COL21A1: variants seen among roughly 807,000 people sequenced by gnomAD.
COL21A1 encodes collagen type XXI alpha 1 chain.
Under a neutral mutation model 137.9 loss-of-function variants are expected in COL21A1, and 149 were observed. That is an observed-to-expected ratio of 1.08 (90% confidence interval 0.95 to 1.24). The LOEUF is 1.24. Ranked by LOEUF, COL21A1 falls within the 50% of genes most tolerant of loss-of-function variation. The pLI, the probability that COL21A1 is intolerant of heterozygous loss-of-function variation, is 0.00. For missense variants in COL21A1, 1,167 were observed against 1,158.4 expected, an observed-to-expected ratio of 1.01 and a Z score of -0.11; for synonymous variants, 456 against 391.5, an observed-to-expected ratio of 1.16 and a Z score of -1.95.
In COL21A1 at chr6:56,068,351, A is replaced by C. The variant is rs531091115; in HGVS notation, c.2091+695T>G. On this transcript the variant is annotated intron_variant, in intron 22 of 29. Transcript: ENST00000244728. The stretch of plus-strand genomic sequence containing the variant: ...ACCGATAGATTTACTTTTAACCTGA[A>C]ACATTTGTATTTGCAGTAGCATGGA... 5.3e-5 allele frequency among the ~76,000 whole-genome samples: 8 copies of C among 151,720 alleles called. No individual in the cohort carries two copies. In the South Asian group the frequency reaches 1.7e-3, roughly 31 times the overall value.
At chr6:56,312,195 G>T (rs1198475430) in intron 1 of COL21A1, among the ~76,000 whole-genome samples, 1 of 152,166 alleles carries the variant, frequency 6.6e-6, no homozygotes, top group East Asian at 1.9e-4. Flanking sequence ...AAGATTGTTT[G>T]ATCTAGCTGT....
chr6:56,295,205 G>A (rs553825886), intron 1 of COL21A1, among the ~76,000 whole-genome samples: 1 of 151,758 alleles, frequency 6.6e-6, no homozygotes, highest in East Asian at 1.9e-4. Context: ...GAAAAGATTG[G>A]GTTTTTTTCT....
chr6:56,097,893 A>G (rs1582329001), intron 17 of COL21A1, among the ~76,000 whole-genome samples: 1 of 98,248 alleles, frequency 1.0e-5, no homozygotes, highest in Non-Finnish European at 1.9e-5. Context: ...AAATATATAT[A>G]AATATATAAA....
intron 1 of COL21A1, among the ~76,000 whole-genome samples, chr6:56,389,420 C>G (rs1390553450): frequency 6.7e-6 from 1 of 149,024 alleles, no homozygotes; most frequent in African/African-American, 2.5e-5. Flanking sequence ...AAAAAAAAAG[C>G]ATGCCTACAA....
Position 56,124,272 on chromosome 6 carries a change from C to A in COL21A1, c.1671G>T (p.Gly557=). The change falls in exon 15 of 30, where the codon GGG becomes GGT. Residue 557 remains glycine (G), a synonymous_variant. Coordinates refer to ENST00000244728, the MANE Select transcript of COL21A1 (RefSeq NM_030820.4). ...YGKKGAKGEK[G]NAGFPGLPGP... ...CAGGGAGGCCAGGGAAGCCAGCATT[C>A]CCCTTTTCACCTTTTGCACCCTGTA... The A allele has an allele frequency of 1.9e-6, 3 of 1,604,114 alleles. No homozygotes were observed. The highest frequency in any genetic ancestry group is 1.7e-6 in the Non-Finnish European group (2 of 1,174,944).
intron 1 of COL21A1, among the ~76,000 whole-genome samples, chr6:56,262,753 G>A (rs1051083390): frequency 6.6e-6 from 1 of 152,044 alleles, no homozygotes; most frequent in Non-Finnish European, 1.5e-5. Context: ...ACTACTATTA[G>A]TCTAAAAATC....
Position 56,342,034 on chromosome 6 carries a change from C to T in COL21A1, c.-39+51937G>A, listed in dbSNP as rs577244534. Among the ~76,000 whole-genome samples the T allele has an allele frequency of 3.3e-5, 5 of 152,140 alleles. No individual in the cohort carries two copies. The East Asian group carries it at 7.7e-4, about 23-fold the overall frequency. On this transcript the variant is annotated intron_variant, in intron 1 of 28. Transcript: ENST00000370819. ...GATTTAAAAATGATCATTTTCCCTC[C>T]CCTGTTCCAAATAGCATGTGACTGG...
At position 56,057,863 on chromosome 6, in the gene COL21A1, A is replaced by G; in HGVS notation, c.2687-19T>C. On this transcript the variant is annotated intron_variant, in intron 29 of 29. Transcript: ENST00000244728. ...TCTGGACCTAAGATGGGACATTGGC[A>G]AGACGTAAACAGAGGACTTTAGTTT... 1 of 1,507,424 alleles carries G rather than the reference A, an allele frequency of 6.6e-7. No individual in the cohort carries two copies. The highest frequency in any genetic ancestry group is 8.8e-7 in the Non-Finnish European group (1 of 1,133,982). The allele number at this position is 1,507,424 out of a possible 1,614,324, so 93.4% of individuals were successfully genotyped here.
At chr6:56,270,051 A>G (rs1763486660) in intron 1 of COL21A1, among the ~76,000 whole-genome samples, 1 of 152,228 alleles carries the variant, frequency 6.6e-6, no homozygotes, top group Non-Finnish European at 1.5e-5. Flanking sequence ...AGCTAGCAAT[A>G]CAATGACAAA....
intron 17 of COL21A1, among the ~76,000 whole-genome samples, chr6:56,099,799 C>T (rs1770285520): frequency 6.6e-6 from 1 of 152,080 alleles, no homozygotes; most frequent in Admixed American, 6.6e-5. Flanking sequence ...GCAATTATGG[C>T]TCACATATGT....
chr6:56,178,260 T>C (rs980268851), intron 3 of COL21A1, among the ~76,000 whole-genome samples: 2 of 152,120 alleles, frequency 1.3e-5, no homozygotes, highest in East Asian at 1.9e-4. Flanking sequence ...TGACCACATA[T>C]TAAAAATTTA....
At chr6:56,326,394 G>A (rs1765090890) in intron 1 of COL21A1, among the ~76,000 whole-genome samples, 2 of 151,726 alleles carry the variant, frequency 1.3e-5, no homozygotes, top group African/African-American at 4.8e-5. Flanking sequence ...AATGTATTGA[G>A]TTAGAAGCAA....
intron 1 of COL21A1, among the ~76,000 whole-genome samples, chr6:56,371,284 A>G (rs533545692): frequency 1.3e-4 from 20 of 152,232 alleles, no homozygotes; most frequent in Non-Finnish European, 2.8e-4. Context: ...AAGAGGATTT[A>G]GGGACTACAT....
intron 1 of COL21A1, among the ~76,000 whole-genome samples, chr6:56,245,891 T>C (rs966515527): frequency 3.3e-5 from 5 of 152,236 alleles, no homozygotes; most frequent in African/African-American, 1.2e-4. Flanking sequence ...ATAAATGTTC[T>C]CTGTACAGGA....
At chr6:56,359,405 G>T (rs574109833) in intron 1 of COL21A1, among the ~76,000 whole-genome samples, 2 of 152,232 alleles carry the variant, frequency 1.3e-5, no homozygotes, top group East Asian at 3.9e-4. Context: ...TTGTTCAGAT[G>T]ATTACCCACC....
In COL21A1 at chr6:56,105,509, C is replaced by T. The variant is rs1453059755; in HGVS notation, c.1759-3984G>A. Among the ~76,000 whole-genome samples, 4 of 152,004 alleles carry T rather than the reference C, an allele frequency of 2.6e-5. No homozygotes were observed. The South Asian group carries it at 8.3e-4, about 31-fold the overall frequency. On this transcript the variant is annotated intron_variant, in intron 16 of 29. Transcript: ENST00000244728. The stretch of plus-strand genomic sequence containing the variant: ...AGTATTTTTAAACATAAAGCCAATC[C>T]TTCTTTATTCTAGTTAAGATATCAT...
At chr6:56,154,116 T>G (rs1194378306) in intron 10 of COL21A1, among the ~76,000 whole-genome samples, 1 of 152,146 alleles carries the variant, frequency 6.6e-6, no homozygotes, top group African/African-American at 2.4e-5. Flanking sequence ...TGGAGACACT[T>G]ATTGTGGGAG....
chr6:56,088,317 T>A (rs1367964326), intron 17 of COL21A1, among the ~76,000 whole-genome samples: 2 of 152,076 alleles, frequency 1.3e-5, no homozygotes, highest in Non-Finnish European at 2.9e-5. Flanking sequence ...TGAGCTGAGA[T>A]TGCGCCACTG....
intron 1 of COL21A1, among the ~76,000 whole-genome samples, chr6:56,371,803 T>G (rs992718293): frequency 4.6e-5 from 7 of 152,184 alleles, no homozygotes; most frequent in African/African-American, 1.7e-4. Context: ...TGACCTTTCA[T>G]CTATTTCTCC....
Sources: gnomAD v4.1 joint callset for allele counts (sites outside exome capture counted in the v4.1 genomes callset) on GRCh38, gnomAD v4.1.1 for gene constraint, MANE v1.5 for transcripts, NCBI Gene and HGNC (gene_info 2026-07-23, HGNC 2026-07-21) for gene names.